Variants in SLC18B1 observed in about 807,000 individuals in gnomAD.
SLC18B1 encodes solute carrier family 18 member B1.
Under a neutral mutation model 53.9 loss-of-function variants are expected in SLC18B1, and 62 were observed. That is an observed-to-expected ratio of 1.15 (90% CI 0.94 to 1.42). The LOEUF is 1.42. Ranked by LOEUF, SLC18B1 falls within the 40% of genes most tolerant of loss-of-function variation. SLC18B1 has a pLI of 0.00. For missense variants in SLC18B1, 598 were observed against 547.3 expected (o/e 1.09, Z -0.93); for synonymous variants, 217 against 200.9 (o/e 1.08, Z -0.68).
At chr6:132,796,801 AT>A (rs1019378130) in intron 2 of SLC18B1, among the ~76,000 whole-genome samples, 180 bp downstream of exon 2, 2 of 151,778 alleles carry the variant, frequency 1.3e-5, no homozygotes, top group Non-Finnish European at 2.9e-5. Context: ...TTTTGACTGG[AT>A]TTTTTTTCCT....
At position 132,771,066 on chromosome 6, in the gene SLC18B1, T is replaced by G; in HGVS notation, c.1224A>C (p.Ala408=). 1 of 1,614,176 alleles carries G rather than the reference T, an allele frequency of 6.2e-7. No individual in the cohort carries two copies. The highest frequency in any genetic ancestry group is 2.2e-5 in the East Asian group (1 of 44,872). ...TCAGAGCCCATAGACCTTGTATAGCTGCTGCCCATTCAAAACCAATTTTCT... is the reference window on the plus strand; with the variant it reads ...TCAGAGCCCATAGACCTTGTATAGCGGCTGCCCATTCAAAACCAATTTTCT... ...LYEKIGFEWA[A]AIQGLWALIS... is the part of the protein sequence containing the mutation. Residue 408 remains alanine, a synonymous_variant, in exon 12 of 14, where the codon GCA becomes GCC. Transcript: ENST00000275227.
At chr6:132,777,374 T>C (rs996893689) in intron 7 of SLC18B1, among the ~76,000 whole-genome samples, 1 of 152,142 alleles carries the variant, frequency 6.6e-6, no homozygotes, top group Non-Finnish European at 1.5e-5. Context: ...CACTTAAAAA[T>C]AAATTAAATT....
rs534663494 is a variant in SLC18B1 at position 132,772,915 on chromosome 6, A to C, written c.1085+78T>G. ...GGCAAAAATATCCAACATGCTGCAAAATTGAGAAATTCAAGAAAGCCTGTG... is the reference window on the plus strand; with the variant it reads ...GGCAAAAATATCCAACATGCTGCAACATTGAGAAATTCAAGAAAGCCTGTG... On this transcript the variant is annotated intron_variant, in intron 10 of 13. Transcript: ENST00000275227. 8 of 1,045,914 alleles carry C rather than the reference A, an allele frequency of 7.6e-6. No individual in the cohort carries two copies. In the East Asian group the frequency reaches 1.9e-4, roughly 25 times the overall value. 64.8% of individuals were successfully genotyped at this position (1,045,914 alleles called of 1,614,324 possible).
chr6:132,785,416 T>A (rs1272033578), intron 5 of SLC18B1, among the ~76,000 whole-genome samples: 1 of 152,254 alleles, frequency 6.6e-6, no homozygotes, highest in Non-Finnish European at 1.5e-5. Flanking sequence ...TATTGCAACA[T>A]TTTAAATCAA....
At chr6:132,778,325 T>A (rs931343065) in intron 7 of SLC18B1, among the ~76,000 whole-genome samples, 1 of 152,158 alleles carries the variant, frequency 6.6e-6, no homozygotes, top group African/African-American at 2.4e-5. Flanking sequence ...ACCTTATGGA[T>A]ACTCACTGGC....
At chr6:132,788,828 G>GAAAAAAA (rs1158922120) in intron 4 of SLC18B1, among the ~76,000 whole-genome samples, 2 of 70,268 alleles carry the variant, frequency 2.8e-5, no homozygotes, top group African/African-American at 8.6e-5. Flanking sequence ...ATCTCAAAAA[G>GAAAAAAA]AAAAAAAAAA....
chr6:132,776,346 G>T lies in SLC18B1; in HGVS notation c.879C>A (p.Leu293=). 6.2e-7 allele frequency: 1 copy of T among 1,613,152 alleles called. No homozygotes were observed. Among genetic ancestry groups the T allele is most frequent in the South Asian group, 1.1e-5 (1 of 90,866 alleles). Residue 293 remains leucine, a synonymous_variant, in exon 8 of 14, where the codon CTC becomes CTA. Coordinates refer to ENST00000275227, the MANE Select transcript of SLC18B1 (RefSeq NM_052831.3). ...SYAISSPLFG[L]LSDKRPPLRK... is the part of the protein sequence containing the mutation. ...TACGTACTGGCCTTTTATCACTTAG[G>T]AGACCAAATAGTGGTGAAGAGATGG...
At chr6:132,795,336 C>T (rs1477207053) in intron 2 of SLC18B1, among the ~76,000 whole-genome samples, 1 of 152,096 alleles carries the variant, frequency 6.6e-6, no homozygotes, top group Non-Finnish European at 1.5e-5. Context: ...GCTTAGCCTG[C>T]TCTAGAGAAG....
rs182694001 is a variant in SLC18B1 at position 132,792,083 on chromosome 6, C to T, written c.184-1811G>A. On this transcript the variant is annotated intron_variant, in intron 2 of 13. Transcript: ENST00000275227. ...TCTCTACTAAAAATACAAAAATTAGCCAGGTGTGGTGGCACGTGCCTGTAA... is the reference window on the plus strand; with the variant it reads ...TCTCTACTAAAAATACAAAAATTAGTCAGGTGTGGTGGCACGTGCCTGTAA... 6.2e-3 allele frequency among the ~76,000 whole-genome samples: 937 copies of T among 151,278 alleles called. 8 individuals are homozygous for T. Among genetic ancestry groups the T allele is most frequent in the African/African-American group, 0.021 (844 of 41,024 alleles).
intron 9 of SLC18B1, among the ~76,000 whole-genome samples, chr6:132,773,544 A>C (rs556851702): frequency 6.6e-6 from 1 of 152,344 alleles, no homozygotes; most frequent in South Asian, 2.1e-4. Flanking sequence ...CCAGTTACTT[A>C]ATATATGTTA....
At chr6:132,797,212 T>G (rs1781717908) in intron 1 of SLC18B1, 91 bp from the exon 2 acceptor site, 1 of 1,479,068 alleles carries the variant, frequency 6.8e-7, no homozygotes, top group African/African-American at 1.4e-5. Flanking sequence ...TGTTGCACTC[T>G]GAAGATATCA....
chr6:132,781,366 T>G (rs1582861889), intron 6 of SLC18B1, among the ~76,000 whole-genome samples: 1 of 147,784 alleles, frequency 6.8e-6, no homozygotes. Context: ...GATGGGGGGG[T>G]GGGGTTGTCC....
At chr6:132,791,855 A>G (rs1364182347) in intron 2 of SLC18B1, among the ~76,000 whole-genome samples, 3 of 152,184 alleles carry the variant, frequency 2.0e-5, no homozygotes, top group Non-Finnish European at 4.4e-5. Context: ...CAACTGGAAC[A>G]TGAGGTCTAC....
At chr6:132,779,160 CCTT>C in intron 7 of SLC18B1, 105 bp downstream of exon 7, 1 of 1,350,352 alleles carries the variant, frequency 7.4e-7, no homozygotes, top group Admixed American at 2.0e-5. Context: ...GCCCATTCTA[CCTT>C]CTTCTCCCAG....
At chr6:132,778,624 C>T (rs1025937676) in intron 7 of SLC18B1, among the ~76,000 whole-genome samples, 9 of 152,036 alleles carry the variant, frequency 5.9e-5, no homozygotes, top group Admixed American at 2.6e-4. Context: ...TGAAGTTAGT[C>T]ATTTTTGCCT....
intron 4 of SLC18B1, among the ~76,000 whole-genome samples, chr6:132,789,277 T>G (rs1490815781): frequency 6.6e-6 from 1 of 152,218 alleles, no homozygotes; most frequent in Non-Finnish European, 1.5e-5. Flanking sequence ...GGCTTCATTC[T>G]GTGACTCTAA....
intron 1 of SLC18B1, among the ~76,000 whole-genome samples, chr6:132,797,836 T>C (rs146857689): frequency 4.0e-4 from 61 of 152,352 alleles, no homozygotes; most frequent in African/African-American, 1.4e-3. Flanking sequence ...TTAACACTTA[T>C]TTCCAGGGCT....
At chr6:132,775,109 C>G (rs1781067875) in intron 8 of SLC18B1, among the ~76,000 whole-genome samples, 1 of 152,116 alleles carries the variant, frequency 6.6e-6, no homozygotes, top group Non-Finnish European at 1.5e-5. Context: ...GAAGGTGCAG[C>G]CTTCATGAAT....
intron 2 of SLC18B1, 50 bp from the exon 3 acceptor site, chr6:132,790,322 T>C: frequency 7.5e-7 from 1 of 1,338,154 alleles, no homozygotes; most frequent in South Asian, 1.4e-5. Context: ...ATTAGATCAA[T>C]ATGAAAAAAT....
Sources: allele counts gnomAD v4.1 joint callset (sites outside exome capture counted in the v4.1 genomes callset), GRCh38; gene constraint gnomAD v4.1.1; transcripts MANE v1.5; gene names NCBI Gene and HGNC (gene_info 2026-07-23, HGNC 2026-07-21).